The following GPR137B variants were observed in gnomAD, a reference collection of about 807,000 sequenced individuals.
GPR137B encodes the protein integral membrane protein GPR137B.
A neutral mutation model predicts 42.5 loss-of-function variants in GPR137B; 42 were observed. That is an observed-to-expected ratio of 0.99 (90% confidence interval 0.77 to 1.28). The LOEUF (loss-of-function observed/expected upper bound fraction) is 1.28, where lower values mean the gene tolerates loss of function less well. Ranked by LOEUF, GPR137B falls within the 50% of genes most tolerant of loss-of-function variation. The probability of loss-of-function intolerance (pLI) is 0.00; values close to 1 mark genes in which losing one functional copy is unlikely to be tolerated. For missense variants in GPR137B, 487 were observed against 493.9 expected, an observed-to-expected ratio of 0.99 and a Z score of 0.13; for synonymous variants, 218 against 209.7, an observed-to-expected ratio of 1.04 and a Z score of -0.34.
intron 2 of GPR137B, among the ~76,000 whole-genome samples, chr1:236,175,035 G>A (rs931483298): frequency 6.6e-6 from 1 of 152,048 alleles, no homozygotes; most frequent in Non-Finnish European, 1.5e-5. Flanking sequence ...ATTTTCTGAG[G>A]AAGAGTGTAG....
intron 2 of GPR137B, among the ~76,000 whole-genome samples, chr1:236,169,356 T>C (rs1662466991): frequency 6.6e-6 from 1 of 152,244 alleles, no homozygotes. Flanking sequence ...AGAACTTCAG[T>C]GCCCATTGAA....
intron 1 of GPR137B, among the ~76,000 whole-genome samples, chr1:236,149,230 G>A (rs558034157): frequency 1.9e-4 from 27 of 142,870 alleles, no homozygotes; most frequent in African/African-American, 6.4e-4. Context: ...TGGCGCACCC[G>A]TAGGGAGCAT....
intron 2 of GPR137B, among the ~76,000 whole-genome samples, chr1:236,172,892 A>G (rs1038573856): frequency 6.6e-6 from 1 of 150,380 alleles, no homozygotes; most frequent in Non-Finnish European, 1.5e-5. Flanking sequence ...GGTTCTTGCT[A>G]TGTTGCCCAG....
At chr1:236,159,223 G>A (rs1402193067) in intron 1 of GPR137B, among the ~76,000 whole-genome samples, 1 of 152,158 alleles carries the variant, frequency 6.6e-6, no homozygotes, top group African/African-American at 2.4e-5. Context: ...TAAGGCAGGA[G>A]GATTCCTGGA....
intron 5 of GPR137B, among the ~76,000 whole-genome samples, chr1:236,199,952 T>C (rs1003382340): frequency 6.6e-6 from 1 of 152,036 alleles, no homozygotes; most frequent in African/African-American, 2.4e-5. Context: ...TTAGATTTTC[T>C]ATTTGTGCTC....
At position 236,142,768 on chromosome 1, in the gene GPR137B, A is replaced by G; in HGVS notation, c.146A>G (p.Tyr49Cys). 1.2e-6 allele frequency: 2 copies of G among 1,613,544 alleles called. No individual in the cohort carries two copies. Among genetic ancestry groups the G allele is most frequent in the Non-Finnish European group, 1.7e-6 (2 of 1,179,968 alleles). ...GTGAAGCTTGGCCTCACCGTCGTCT[A>G]CACCGTGTTCTACGCGCTGCTCTTC... ...PYVKLGLTVV[Y>C]TVFYALLFVF... The change falls in exon 1 of 7, where the codon TAC (tyrosine) becomes TGC (cysteine). Residue 49 changes from tyrosine (Y) to cysteine (C), a missense_variant. Transcript: ENST00000366592.
At chr1:236,151,552 T>A (rs1661865676) in intron 1 of GPR137B, among the ~76,000 whole-genome samples, 1 of 150,586 alleles carries the variant, frequency 6.6e-6, no homozygotes. Context: ...GCCTCCCGAG[T>A]AGCTGGGACT....
intron 5 of GPR137B, among the ~76,000 whole-genome samples, chr1:236,186,517 G>C (rs566098891): frequency 7.0e-6 from 1 of 142,286 alleles, no homozygotes; most frequent in African/African-American, 2.6e-5. Flanking sequence ...GCCCCAGTGT[G>C]TGATGTTCCC....
At chr1:236,169,210 G>GGTACAGGTA (rs1662454958) in intron 2 of GPR137B, among the ~76,000 whole-genome samples, 1 of 133,284 alleles carries the variant, frequency 7.5e-6, no homozygotes, top group Non-Finnish European at 1.5e-5. Context: ...AGGTGCAGGT[G>GGTACAGGTA]CAGGTACAGG....
chr1:236,196,080 T>C (rs1282252952), intron 5 of GPR137B, among the ~76,000 whole-genome samples: 2 of 152,196 alleles, frequency 1.3e-5, no homozygotes, highest in African/African-American at 4.8e-5. Flanking sequence ...CTTGATATGA[T>C]CCTATTTTTC....
intron 1 of GPR137B, among the ~76,000 whole-genome samples, chr1:236,154,155 G>A (rs1661946367): frequency 6.6e-6 from 1 of 152,198 alleles, no homozygotes; most frequent in Non-Finnish European, 1.5e-5. Context: ...TTTTGTGTGT[G>A]GAAGCCCCCA....
At chr1:236,158,206 C>A (rs1449381095) in intron 1 of GPR137B, among the ~76,000 whole-genome samples, 1 of 152,154 alleles carries the variant, frequency 6.6e-6, no homozygotes, top group Non-Finnish European at 1.5e-5. Context: ...GGTGGATCAC[C>A]TGAGGTCAGG....
intron 5 of GPR137B, among the ~76,000 whole-genome samples, chr1:236,198,168 C>A (rs993346730): frequency 6.6e-6 from 1 of 152,016 alleles, no homozygotes; most frequent in African/African-American, 2.4e-5. Context: ...TGGTTCCATA[C>A]GAATTTTAGA....
intron 4 of GPR137B, among the ~76,000 whole-genome samples, chr1:236,182,989 G>A (rs540687006): frequency 7.0e-4 from 107 of 152,286 alleles, no homozygotes; most frequent in African/African-American, 2.5e-3. Flanking sequence ...AGAAGCATGC[G>A]TAGTTTTGGT....
intron 1 of GPR137B, among the ~76,000 whole-genome samples, chr1:236,166,713 A>G (rs898085177): frequency 3.3e-5 from 5 of 152,020 alleles, no homozygotes; most frequent in Non-Finnish European, 7.4e-5. Context: ...GGCCGGGCAC[A>G]GTGGCTAACG....
chr1:236,190,502 C>T (rs1425491887), intron 5 of GPR137B, among the ~76,000 whole-genome samples: 4 of 152,174 alleles, frequency 2.6e-5, no homozygotes, highest in Non-Finnish European at 5.9e-5. Flanking sequence ...GTGCTTCCTT[C>T]AGGAGGTCTT....
At chr1:236,158,207 T>C (rs189613306) in intron 1 of GPR137B, among the ~76,000 whole-genome samples, 3 of 152,306 alleles carry the variant, frequency 2.0e-5, no homozygotes, top group Admixed American at 2.0e-4. Flanking sequence ...GTGGATCACC[T>C]GAGGTCAGGA....
rs979510812 is a variant in GPR137B, at chr1:236,156,019, A to T, written c.415-12687A>T. Among the ~76,000 whole-genome samples, 1 of 152,178 alleles carries T rather than the reference A, an allele frequency of 6.6e-6. No individual in the cohort carries two copies. Among genetic ancestry groups the T allele is most frequent in the Admixed American group, 6.5e-5 (1 of 15,280 alleles). On this transcript the variant is annotated intron_variant, in intron 1 of 6. Transcript: ENST00000366592. The surrounding 1 kb of genome is among the most constrained non-coding windows in gnomAD (Gnocchi z 4.8). ...CACACATGCATACACCTGAGGAAGGATCATAGGCGCCAGGTGAGCCAAACA... is the reference window on the plus strand; with the variant it reads ...CACACATGCATACACCTGAGGAAGGTTCATAGGCGCCAGGTGAGCCAAACA...
chr1:236,190,148 C>CTTTTTTTTTTT (rs34520510), intron 5 of GPR137B, among the ~76,000 whole-genome samples: 11 of 119,418 alleles, frequency 9.2e-5, no homozygotes, highest in East Asian at 2.3e-4. Context: ...CCTGCTTCTT[C>CTTTTTTTTTTT]TTTTTTTTTT....
Sources: allele counts gnomAD v4.1 joint callset (sites outside exome capture counted in the v4.1 genomes callset), GRCh38; gene constraint gnomAD v4.1.1; non-coding constraint Gnocchi (gnomAD v3.1); transcripts MANE v1.5; gene names NCBI Gene and HGNC (gene_info 2026-07-23, HGNC 2026-07-21).